The following GNAQ variants were observed in gnomAD, a reference collection of about 807,000 sequenced individuals.
GNAQ encodes G protein subunit alpha q, also known as guanine nucleotide-binding protein G(q) subunit alpha.
A neutral mutation model predicts 43.9 loss-of-function variants in GNAQ; 8 were observed. The observed-to-expected ratio is 0.18, with a 90% CI of 0.11 to 0.33. GNAQ has a LOEUF of 0.33. Among genes scored for constraint, GNAQ ranks in the 10% least tolerant of loss-of-function variants. The pLI is 1.00. For missense variants in GNAQ, 158 were observed against 450.8 expected (o/e 0.35, Z 5.88); for synonymous variants, 155 against 170.7 (o/e 0.91, Z 0.71).
intron 5 of GNAQ, among the ~76,000 whole-genome samples, chr9:77,742,913 T>G (rs1354285440): frequency 2.6e-5 from 4 of 151,526 alleles, no homozygotes; most frequent in African/African-American, 9.7e-5. Flanking sequence ...TGAGGGAGAG[T>G]TGTCCCACAG....
At chr9:77,825,325 G>T (rs1827176125) in intron 2 of GNAQ, among the ~76,000 whole-genome samples, 1 of 152,230 alleles carries the variant, frequency 6.6e-6, no homozygotes, top group South Asian at 2.1e-4. Flanking sequence ...TACCTCCACA[G>T]TAAGACTGCT....
chr9:77,847,934 G>A (rs1463447179), intron 2 of GNAQ, among the ~76,000 whole-genome samples: 1 of 152,198 alleles, frequency 6.6e-6, no homozygotes, highest in East Asian at 1.9e-4. Context: ...GGTAGCAGCA[G>A]ACCTGCACTT....
At chr9:77,792,051 C>T (rs1226175343) in intron 5 of GNAQ, among the ~76,000 whole-genome samples, 1 of 130,556 alleles carries the variant, frequency 7.7e-6, no homozygotes, top group Non-Finnish European at 1.8e-5. Flanking sequence ...AATGAGACTA[C>T]ATCCCAACAT....
chr9:78,009,271 C>T (rs887712311), intron 1 of GNAQ, among the ~76,000 whole-genome samples: 4 of 152,184 alleles, frequency 2.6e-5, no homozygotes, highest in Admixed American at 2.6e-4. Flanking sequence ...AAACAGTTCA[C>T]CAACAATGTG....
chr9:77,835,308 G>A lies in GNAQ; in HGVS notation c.322-19538C>T, dbSNP rs974092108. On this transcript the variant is annotated intron_variant, in intron 2 of 6. Transcript: ENST00000286548. ...TAAGGGATCTACTGTTCGGGGTGAT[G>A]GTATTTCTTTTTCAAGTTAAGCAAT... 2.0e-5 allele frequency among the ~76,000 whole-genome samples: 3 copies of A among 151,524 alleles called. No individual in the cohort carries two copies. The Admixed American group carries it at 2.0e-4, about 10-fold the overall frequency.
chr9:77,970,255 AACTG>A (rs1413572893), intron 1 of GNAQ, among the ~76,000 whole-genome samples: 3 of 152,022 alleles, frequency 2.0e-5, no homozygotes, highest in Non-Finnish European at 2.9e-5. Flanking sequence ...AAACAAAAAA[AACTG>A]ACTGAGTCAC....
intron 5 of GNAQ, among the ~76,000 whole-genome samples, chr9:77,760,588 C>A (rs1192871940): frequency 1.3e-5 from 2 of 152,196 alleles, no homozygotes; most frequent in Admixed American, 1.3e-4. Flanking sequence ...CTGCCTTGGC[C>A]TCCCAAAGTG....
chr9:77,853,852 C>G (rs1827711738), intron 2 of GNAQ, among the ~76,000 whole-genome samples: 1 of 151,396 alleles, frequency 6.6e-6, no homozygotes, highest in African/African-American at 2.4e-5. Flanking sequence ...TATATCCACC[C>G]TGTCCCATTT....
intron 5 of GNAQ, among the ~76,000 whole-genome samples, chr9:77,763,919 A>G (rs1347306229): frequency 6.6e-6 from 1 of 152,224 alleles, no homozygotes; most frequent in Non-Finnish European, 1.5e-5. Context: ...TCGGCAATAC[A>G]TGGCTACAAA....
chr9:77,924,899 A>C (rs890213840), intron 1 of GNAQ, among the ~76,000 whole-genome samples: 1 of 151,980 alleles, frequency 6.6e-6, no homozygotes, highest in Non-Finnish European at 1.5e-5. Context: ...GGATTTCAAC[A>C]GCTTTGTTAT....
intron 2 of GNAQ, among the ~76,000 whole-genome samples, chr9:77,908,197 T>C (rs1828742818): frequency 6.6e-6 from 1 of 152,144 alleles, no homozygotes; most frequent in Non-Finnish European, 1.5e-5. Context: ...TCTGCCTCCT[T>C]CCTTACCTTA....
chr9:77,825,556 T>G (rs1827181011), intron 2 of GNAQ, among the ~76,000 whole-genome samples: 2 of 152,184 alleles, frequency 1.3e-5, no homozygotes, highest in Admixed American at 6.5e-5. Context: ...TGTCCCAGCT[T>G]ACTCCATATT....
chr9:77,793,030 T>C (rs1238543396), intron 5 of GNAQ, among the ~76,000 whole-genome samples: 1 of 152,074 alleles, frequency 6.6e-6, no homozygotes, highest in Non-Finnish European at 1.5e-5. Context: ...TTTTTTGTCT[T>C]GACACAACAT....
intron 2 of GNAQ, among the ~76,000 whole-genome samples, chr9:77,837,163 A>G (rs1229712108): frequency 6.6e-6 from 1 of 152,148 alleles, no homozygotes; most frequent in Non-Finnish European, 1.5e-5. Flanking sequence ...ATGGAAAGAC[A>G]TATGTTAATC....
chr9:77,780,009 A>G (rs1454451959), intron 5 of GNAQ, among the ~76,000 whole-genome samples: 1 of 152,012 alleles, frequency 6.6e-6, no homozygotes, highest in Non-Finnish European at 1.5e-5. Context: ...AAATTGGCAC[A>G]TAATAATCAT....
At chr9:77,936,681 CCAGGGGTTTGTGAAATCA>C (rs1456378214) in intron 1 of GNAQ, among the ~76,000 whole-genome samples, 3 of 152,126 alleles carry the variant, frequency 2.0e-5, no homozygotes, top group African/African-American at 7.2e-5. Flanking sequence ...GGTGATATTT[CCAGGGGTTTGTGAAATCA>C]CACCCATACC....
chr9:77,723,306 C>T (rs1825347454), intron 6 of GNAQ, among the ~76,000 whole-genome samples: 1 of 152,184 alleles, frequency 6.6e-6, no homozygotes, highest in African/African-American at 2.4e-5. Context: ...TACAAAGGTG[C>T]AGCTGCTGTG....
intron 3 of GNAQ, among the ~76,000 whole-genome samples, chr9:77,798,409 A>G (rs1826692034): frequency 6.6e-6 from 1 of 152,198 alleles, no homozygotes; most frequent in African/African-American, 2.4e-5. Context: ...TTCCCCAAAC[A>G]ATAACATCTT....
intron 2 of GNAQ, among the ~76,000 whole-genome samples, chr9:77,851,735 T>C (rs190569566): frequency 6.6e-6 from 1 of 152,306 alleles, no homozygotes; most frequent in East Asian, 1.9e-4. Flanking sequence ...CAGCATGTCA[T>C]GGAAAGTTTG....
Sources: allele counts gnomAD v4.1 joint callset (sites outside exome capture counted in the v4.1 genomes callset), GRCh38; gene constraint gnomAD v4.1.1; transcripts MANE v1.5; gene names NCBI Gene and HGNC (gene_info 2026-07-23, HGNC 2026-07-21).